Variants in AUTS2 observed in about 807,000 individuals in gnomAD.
The protein encoded by AUTS2 is autism susceptibility gene 2 protein.
AUTS2 carries 17 observed loss-of-function variants against 112.4 expected under a neutral mutation model. The ratio of observed to expected loss-of-function variants is 0.15; its 90% confidence interval spans 0.10 to 0.23. AUTS2 has a LOEUF of 0.23. Ranked by LOEUF, AUTS2 falls within the 10% of genes least tolerant of loss-of-function variation. AUTS2 has a pLI of 1.00. For missense variants in AUTS2, 1,510 were observed against 1,701.6 expected (o/e 0.89, Z 1.98); for synonymous variants, 751 against 702.7 (o/e 1.07, Z -1.09).
At chr7:70,557,704 A>G (rs1475315594) in intron 5 of AUTS2, among the ~76,000 whole-genome samples, 2 of 152,176 alleles carry the variant, frequency 1.3e-5, no homozygotes, top group African/African-American at 4.8e-5. Flanking sequence ...CTCCTCACAG[A>G]TGTGTCCTCA....
rs566896951 is a variant in AUTS2, at chr7:69,903,480, T to G, written c.522+3982T>G. Among the ~76,000 whole-genome samples the G allele has an allele frequency of 5.3e-5, 8 of 152,336 alleles. No homozygotes were observed. In the South Asian group the frequency reaches 1.7e-3, roughly 32 times the overall value. ...TGAGCATTCAGAGAACTCTCAGATTTGGCTCTGACTGGATTTCTAAATCTC... is the reference window on the plus strand; with the variant it reads ...TGAGCATTCAGAGAACTCTCAGATTGGGCTCTGACTGGATTTCTAAATCTC... On this transcript the variant is annotated intron_variant, in intron 2 of 18. Coordinates refer to ENST00000342771, the MANE Select transcript of AUTS2 (RefSeq NM_015570.4).
At chr7:70,254,645 A>C (rs563972914) in intron 4 of AUTS2, among the ~76,000 whole-genome samples, 3 of 152,180 alleles carry the variant, frequency 2.0e-5, no homozygotes, top group African/African-American at 7.2e-5. Flanking sequence ...CTGTTTCTAT[A>C]AAACTTTCCT....
intron 2 of AUTS2, among the ~76,000 whole-genome samples, chr7:69,983,491 G>A (rs1798379282): frequency 6.6e-6 from 1 of 151,674 alleles, no homozygotes; most frequent in African/African-American, 2.4e-5. Flanking sequence ...TAACCTGCCA[G>A]CATCAGAAGG....
intron 2 of AUTS2, among the ~76,000 whole-genome samples, chr7:70,063,401 T>C (rs1473129811): frequency 6.6e-6 from 1 of 152,174 alleles, no homozygotes; most frequent in Non-Finnish European, 1.5e-5. Flanking sequence ...ACCAGAATGA[T>C]GAAGAGCAAA....
intron 1 of AUTS2, among the ~76,000 whole-genome samples, chr7:69,666,355 A>G (rs1796042029): frequency 6.6e-6 from 1 of 152,176 alleles, no homozygotes; most frequent in African/African-American, 2.4e-5. Flanking sequence ...TTCGAATCGT[A>G]ATTCAGTAAA....
chr7:70,535,716 G>A (rs1039967585), intron 5 of AUTS2, among the ~76,000 whole-genome samples: 22 of 152,134 alleles, frequency 1.4e-4, no homozygotes, highest in Non-Finnish European at 2.4e-4. Flanking sequence ...CGCCCAGCCT[G>A]TTGTGTTGTT....
chr7:70,391,978 C>T (rs1345554658), intron 4 of AUTS2, among the ~76,000 whole-genome samples: 1 of 152,196 alleles, frequency 6.6e-6, no homozygotes, highest in African/African-American at 2.4e-5. Flanking sequence ...ATCCTAGTCA[C>T]ACCAGCCCCC....
intron 5 of AUTS2, among the ~76,000 whole-genome samples, chr7:70,525,605 T>C (rs3094904): frequency 0.22 from 33,210 of 152,152 alleles, 3,849 homozygotes; most frequent in Admixed American, 0.27. Context: ...TGACGGGTTA[T>C]GACTGAGCAA....
intron 5 of AUTS2, among the ~76,000 whole-genome samples, chr7:70,520,054 G>A (rs1343516850): frequency 6.6e-6 from 1 of 151,930 alleles, no homozygotes. Flanking sequence ...TCAGTCTATG[G>A]CTTGTCTTTT....
chr7:69,747,706 C>A (rs549523648), intron 1 of AUTS2, among the ~76,000 whole-genome samples: 1 of 151,894 alleles, frequency 6.6e-6, no homozygotes, highest in African/African-American at 2.4e-5. Flanking sequence ...GATTGGCTCT[C>A]CCACAGTTTT....
chr7:70,785,918 C>T (rs749900942), intron 16 of AUTS2, 37 bp from the exon 17 acceptor site: 3 of 1,601,048 alleles, frequency 1.9e-6, no homozygotes, highest in Admixed American at 3.3e-5. Flanking sequence ...CCCAGCAGAG[C>T]CCCTGACCAT....
intron 4 of AUTS2, among the ~76,000 whole-genome samples, chr7:70,433,707 C>T (rs909951781): frequency 6.6e-6 from 1 of 152,146 alleles, no homozygotes; most frequent in African/African-American, 2.4e-5. Context: ...ATCTGACTAC[C>T]CTGTGGCACT....
At chr7:69,951,402 G>A (rs1043205561) in intron 2 of AUTS2, among the ~76,000 whole-genome samples, 8 of 151,646 alleles carry the variant, frequency 5.3e-5, no homozygotes, top group Non-Finnish European at 8.8e-5. Context: ...TTTTCTTTTC[G>A]TCAGTTTGTG....
At chr7:70,356,917 G>A (rs1054436444) in intron 4 of AUTS2, among the ~76,000 whole-genome samples, 5 of 152,114 alleles carry the variant, frequency 3.3e-5, no homozygotes, top group African/African-American at 9.7e-5. Flanking sequence ...AGAATTTCAC[G>A]AAGGTTTTCC....
At chr7:70,266,951 T>C (rs939555589) in intron 4 of AUTS2, among the ~76,000 whole-genome samples, 13 of 152,238 alleles carry the variant, frequency 8.5e-5, no homozygotes, top group Non-Finnish European at 1.6e-4. Flanking sequence ...GATTGCCTCC[T>C]TGTCTGAAAA....
intron 2 of AUTS2, among the ~76,000 whole-genome samples, chr7:69,929,598 G>C (rs970070992): frequency 6.6e-6 from 1 of 151,758 alleles, no homozygotes; most frequent in Admixed American, 6.6e-5. Context: ...TGTGTCTCAG[G>C]TTCACCAGTC....
At chr7:70,757,752 C>T (rs945284994) in intron 6 of AUTS2, among the ~76,000 whole-genome samples, 1 of 151,410 alleles carries the variant, frequency 6.6e-6, no homozygotes, top group Non-Finnish European at 1.5e-5. Context: ...CCTCCCAAGC[C>T]CCTAAACAGG....
At chr7:70,399,558 GT>G (rs1439919710) in intron 4 of AUTS2, among the ~76,000 whole-genome samples, 1 of 152,068 alleles carries the variant, frequency 6.6e-6, no homozygotes, top group Non-Finnish European at 1.5e-5. Context: ...TGTTTTGCCA[GT>G]CTTTTATAAT....
At chr7:70,776,073 G>A (rs2129558997) in intron 13 of AUTS2, among the ~76,000 whole-genome samples, 1 of 152,312 alleles carries the variant, frequency 6.6e-6, no homozygotes, top group South Asian at 2.1e-4. Context: ...TCATCACTTA[G>A]GTGAGGCAGT....
Sources: allele counts gnomAD v4.1 joint callset (sites outside exome capture counted in the v4.1 genomes callset), GRCh38; gene constraint gnomAD v4.1.1; transcripts MANE v1.5; gene names NCBI Gene and HGNC (gene_info 2026-07-23, HGNC 2026-07-21).